APC2: variants seen among roughly 807,000 people sequenced by gnomAD.
APC2 encodes the protein adenomatous polyposis coli protein 2.
Under a neutral mutation model 72.5 loss-of-function variants are expected in APC2, and 41 were observed. The ratio of observed to expected loss-of-function variants is 0.57; its 90% CI spans 0.44 to 0.73. The LOEUF is 0.73. Ranked by LOEUF, APC2 falls within the 30% of genes least tolerant of loss-of-function variation. The pLI is 0.00. For missense variants in APC2, 3,729 were observed against 3,403.4 expected, an observed-to-expected ratio of 1.10 and a Z score of -2.38; for synonymous variants, 1,898 against 1,612.0, an observed-to-expected ratio of 1.18 and a Z score of -4.25.
chr19:1,449,582 G>T (rs1309283799), upstream of APC2, among the ~76,000 whole-genome samples: 1 of 149,474 alleles, frequency 6.7e-6, no homozygotes, highest in Non-Finnish European at 1.5e-5. Flanking sequence ...GGGGAGACAG[G>T]GAGAAATGTG....
rs751074991 is a variant in APC2, at chr19:1,460,327, G to C, written c.1443+7G>C. 1 of 1,613,164 alleles carries C rather than the reference G, an allele frequency of 6.2e-7. No homozygotes were observed. The highest frequency in any genetic ancestry group is 8.5e-7 in the Non-Finnish European group (1 of 1,179,910). On this transcript the variant is annotated splice_region_variant and intron_variant, in intron 11 of 14. Transcript: ENST00000590469. ...TGGGGACGTTGCCAACAAGGTGCCC[G>C]GGGGCAGTGGGTGGGCTGGCACTTT...
At chr19:1,454,563 C>CTTTTCTTTTTTTT (rs1569140915) in intron 4 of APC2, among the ~76,000 whole-genome samples, 1 of 116,172 alleles carries the variant, frequency 8.6e-6, no homozygotes, top group Non-Finnish European at 1.7e-5. Flanking sequence ...ATCTTTTGTA[C>CTTTTCTTTTTTTT]TTTTTTTTTT....
intron 9 of APC2, chr19:1,457,446 G>C (rs937910379): frequency 2.8e-6 from 2 of 723,240 alleles, no homozygotes; most frequent in Non-Finnish European, 4.3e-6. Context: ...CAGAGTAAAC[G>C]CTCGGGAAGT....
chr19:1,459,253 G>A (rs772265473), intron 10 of APC2, among the ~76,000 whole-genome samples: 1 of 152,086 alleles, frequency 6.6e-6, no homozygotes, highest in Non-Finnish European at 1.5e-5. Context: ...TGCCCATGCT[G>A]GAGTGCAGTG....
upstream of APC2, among the ~76,000 whole-genome samples, chr19:1,448,796 A>T (rs2083710396): frequency 6.6e-6 from 1 of 151,016 alleles, no homozygotes; most frequent in African/African-American, 2.4e-5. Context: ...GTGAGCCGAG[A>T]ACGTGCCACT....
chr19:1,449,193 C>T (rs201797924), upstream of APC2, among the ~76,000 whole-genome samples: 1 of 152,160 alleles, frequency 6.6e-6, no homozygotes, highest in South Asian at 2.1e-4. Context: ...GAGGGTTGAG[C>T]GGCGAATGAT....
chr19:1,466,639 C>T lies in APC2; in HGVS notation c.3338C>T (p.Thr1113Met), dbSNP rs753641138. ...AGPSEAELDS[T>M]WRAPGATSLP... The stretch of plus-strand genomic sequence containing the variant: ...CCCAGCGAGGCTGAGCTGGACAGCA[C>T]GTGGCGGGCGCCCGGGGCCACCTCG... Residue 1113 changes from threonine to methionine, a missense_variant, in exon 15 of 15, where the codon ACG becomes ATG. Thr to Met is a moderately conservative substitution (Grantham distance 81, BLOSUM62 -1). Transcript: ENST00000590469. 2.7e-6 allele frequency: 4 copies of T among 1,498,444 alleles called. No individual in the cohort carries two copies. The highest frequency in any genetic ancestry group is 2.1e-5 in the Admixed American group (1 of 48,070). 92.8% of individuals were successfully genotyped at this position (1,498,444 alleles called of 1,614,324 possible).
In APC2 at chr19:1,466,434, G is replaced by T; in HGVS notation, c.3133G>T (p.Ala1045Ser). 1 of 1,597,142 alleles carries T rather than the reference G, an allele frequency of 6.3e-7. No homozygotes were observed. Among genetic ancestry groups the T allele is most frequent in the African/African-American group, 1.3e-5 (1 of 75,010 alleles). The change falls in exon 15 of 15, where the codon GCT becomes TCT. Residue 1045 changes from alanine to serine, a missense_variant. By Grantham distance (99) the Ala-to-Ser change is moderately conservative. Coordinates refer to ENST00000590469, the MANE Select transcript of APC2 (RefSeq NM_005883.3). ...GAGCAAGGTTCCCGAGAAGCTGGCG[G>T]CTGCCCCGCTGTCTGTGGCCAGCAA... Reference protein sequence around the residue: ...HLSKVPEKLAAAPLSVASKAL... With the variant: ...HLSKVPEKLASAPLSVASKAL...
At position 1,467,908 on chromosome 19, in the gene APC2, C is replaced by T. The variant is rs1437194156; in HGVS notation, c.4607C>T (p.Ala1536Val). ...THRRTSAIPR[A>V]FTRERPQGRK... ...CGGCGCACATCGGCCATCCCTCGCGCTTTTACGCGGGAGCGTCCGCAGGGC... is the reference window on the plus strand; with the variant it reads ...CGGCGCACATCGGCCATCCCTCGCGTTTTTACGCGGGAGCGTCCGCAGGGC... Residue 1536 changes from alanine (A) to valine (V), a missense_variant, in exon 15 of 15, where the codon GCT becomes GTT. Ala to Val is a moderately conservative substitution (Grantham distance 64). Coordinates refer to ENST00000590469, the MANE Select transcript of APC2 (RefSeq NM_005883.3). 6.3e-7 allele frequency: 1 copy of T among 1,583,896 alleles called. No homozygotes were observed. Among genetic ancestry groups the T allele is most frequent in the Admixed American group, 1.7e-5 (1 of 59,050 alleles).
chr19:1,456,248 G>T (rs1347680005), intron 7 of APC2, 58 bp from the exon 8 acceptor site: 4 of 1,564,054 alleles, frequency 2.6e-6, no homozygotes, highest in Non-Finnish European at 2.6e-6. Context: ...ACATCATCAC[G>T]GGTGAGCAGA....
At position 1,472,175 on chromosome 19, in the gene APC2, G is replaced by C. The variant is rs1325406697; in HGVS notation, c.*1962G>C. Reference sequence around the variant, plus strand: ...ACACAGCGGGGGTCTCACACTTGCTGTCCCCATCCATGGCCCGAGGGGGAA... The same window carrying C: ...ACACAGCGGGGGTCTCACACTTGCTCTCCCCATCCATGGCCCGAGGGGGAA... On this transcript the variant is annotated 3_prime_UTR_variant, in exon 15 of 15. Transcript: ENST00000590469. 1.3e-5 allele frequency: 2 copies of C among 152,266 alleles called. No individual in the cohort carries two copies. Among genetic ancestry groups the C allele is most frequent in the African/African-American group, 4.8e-5 (2 of 41,458 alleles). 9.4% of individuals were successfully genotyped at this position (152,266 alleles called of 1,614,324 possible).
chr19:1,465,568 A>G lies in APC2; in HGVS notation c.2267A>G (p.Lys756Arg), dbSNP rs1568177709. 1.5e-5 allele frequency: 23 copies of G among 1,554,116 alleles called. No individual in the cohort carries two copies. Among genetic ancestry groups the G allele is most frequent in the Non-Finnish European group, 2.0e-5 (23 of 1,151,380 alleles). ...CCGGCAGCCGAGGCCGCCACTAAGA[A>G]GCCGCTGCCGCCCCTGCGACACCTG... ...GPPAAEAATKKPLPPLRHLDG... is the reference protein window; with the variant it reads ...GPPAAEAATKRPLPPLRHLDG... Residue 756 changes from lysine (K) to arginine (R), a missense_variant, in exon 15 of 15, where the codon AAG becomes AGG. By Grantham distance (26) the Lys-to-Arg change is conservative. Transcript: ENST00000590469.
rs1599166793 is a variant in APC2, at chr19:1,469,940, GC to G, written c.6645del (p.Ala2217ProfsTer118). The G allele has an allele frequency of 5.3e-6, 8 of 1,509,338 alleles. No individual in the cohort carries two copies. Among genetic ancestry groups the G allele is most frequent in the Admixed American group, 2.1e-5 (1 of 47,242 alleles). The allele number at this position is 1,509,338 out of a possible 1,614,324, so 93.5% of individuals were successfully genotyped here. On this transcript the variant is annotated frameshift_variant, in exon 15 of 15. Transcript: ENST00000590469. LOFTEE classifies it low-confidence loss of function (END_TRUNC). Reference protein sequence around the residue: ...STSPSLETREPPGAPAGGQLS... With the variant: ...STSPSLETREXPGAPAGGQLS... ...CGTCCCCGAGCCTGGAGACCAGGGA[GC>G]CCCCCGGGGCCCCCGCCGGCGGCCA...
intron 9 of APC2, 100 bp from the exon 10 acceptor site, chr19:1,457,865 G>A (rs1029461995): frequency 1.9e-6 from 2 of 1,027,094 alleles, no homozygotes; most frequent in African/African-American, 1.7e-5. Context: ...AAAGCTCCCG[G>A]GATCCTTCAG....
At chr19:1,455,349 C>A in intron 5 of APC2, 35 bp from the exon 6 acceptor site, 1 of 1,598,862 alleles carries the variant, frequency 6.3e-7, no homozygotes, top group Non-Finnish European at 8.5e-7. Context: ...GGCCCGGGCG[C>A]CCCTCACCGT....
upstream of APC2, among the ~76,000 whole-genome samples, chr19:1,448,230 C>T (rs1233825357): frequency 2.0e-5 from 3 of 152,126 alleles, no homozygotes; most frequent in East Asian, 5.8e-4. Flanking sequence ...CATTGATCTT[C>T]CCTCAGCCTG....
In APC2 at chr19:1,453,545, C is replaced by G. The variant is rs771447434; in HGVS notation, c.347C>G (p.Ser116Cys). The change falls in exon 4 of 15, where the codon TCC becomes TGC. Residue 116 changes from serine to cysteine, a missense_variant. Transcript: ENST00000590469. Reference protein sequence around the residue: ...EGSPVHGSGPSKDSFGELSRA... With the variant: ...EGSPVHGSGPCKDSFGELSRA... ...AGCCCAGTACACGGCTCCGGGCCCT[C>G]CAAGGACAGCTTTGGGGAGCTGAGC... 6.2e-7 allele frequency: 1 copy of G among 1,611,652 alleles called. No homozygotes were observed. Among genetic ancestry groups the G allele is most frequent in the Admixed American group, 1.7e-5 (1 of 59,956 alleles).
chr19:1,446,432 C>T, upstream of APC2: 1 of 939,118 alleles, frequency 1.1e-6, no homozygotes, highest in Non-Finnish European at 1.3e-6. This position sits in a 1 kb window ranked among gnomAD's most constrained non-coding sequence, Gnocchi z 6.1. Flanking sequence ...GGCGCGGCGG[C>T]GGGGGGCGCA....
chr19:1,458,050 G>A lies in APC2; in HGVS notation c.1293G>A (p.Met431Ile). 6.4e-7 allele frequency: 1 copy of A among 1,561,964 alleles called. No individual in the cohort carries two copies. The highest frequency in any genetic ancestry group is 1.2e-5 in the South Asian group (1 of 84,810). Residue 431 changes from methionine to isoleucine, a missense_variant, in exon 10 of 15, where the codon ATG (methionine) becomes ATA (isoleucine). Coordinates refer to ENST00000590469, the MANE Select transcript of APC2 (RefSeq NM_005883.3). Reference sequence around the variant, plus strand: ...TTGATGAGGAGTACCGCCGTGCCATGAACGAGCTAGGTGAGTGTCCCAGGT... The same window carrying A: ...TTGATGAGGAGTACCGCCGTGCCATAAACGAGCTAGGTGAGTGTCCCAGGT... ...LSFDEEYRRA[M>I]NELGGLQAVA...
Sources: allele counts gnomAD v4.1 joint callset (sites outside exome capture counted in the v4.1 genomes callset), GRCh38; gene constraint gnomAD v4.1.1; non-coding constraint Gnocchi (gnomAD v3.1); transcripts MANE v1.5; gene names NCBI Gene and HGNC (gene_info 2026-07-23, HGNC 2026-07-21).